The following DHRSX variants were observed in gnomAD, a reference collection of about 807,000 sequenced individuals.
The protein encoded by DHRSX is dehydrogenase/reductase X-linked.
DHRSX carries 31 observed loss-of-function variants against 34.0 expected under a neutral mutation model. That is an observed-to-expected ratio of 0.91 (90% confidence interval 0.69 to 1.23). DHRSX has a LOEUF of 1.23. Among genes scored for constraint, DHRSX ranks in the 50% most tolerant of loss-of-function variants. The probability of loss-of-function intolerance (pLI) is 0.00; values close to 1 mark genes in which losing one functional copy is unlikely to be tolerated. For synonymous variants in DHRSX, 201 were observed against 183.8 expected (o/e 1.09, Z -0.76); for missense variants, 414 against 428.1 (o/e 0.97, Z 0.29).
At chrX:2,253,888 G>A (rs1360687644) in intron 5 of DHRSX, among the ~76,000 whole-genome samples, 2 of 152,154 alleles carry the variant, frequency 1.3e-5, no homozygotes, top group East Asian at 1.9e-4. Context: ...GTGAAACCCC[G>A]TCTCTAATAA....
In DHRSX at chrX:2,489,886, C is replaced by G. The variant is rs145542250; in HGVS notation, c.109+10931G>C. ...GCACTGCGACGTCCAGCAGGGAGCACGCCTTCACGATGTCCTTGCCATAGT... is the reference window on the plus strand; with the variant it reads ...GCACTGCGACGTCCAGCAGGGAGCAGGCCTTCACGATGTCCTTGCCATAGT... On this transcript the variant is annotated intron_variant, in intron 1 of 6. Coordinates refer to ENST00000334651, the MANE Select transcript of DHRSX (RefSeq NM_145177.3). 5 of 1,613,834 alleles carry G rather than the reference C, an allele frequency of 3.1e-6. No individual in the cohort carries two copies. In the South Asian group the frequency reaches 4.4e-5, roughly 14 times the overall value.
chrX:2,451,861 T>C (rs2044223351), intron 1 of DHRSX, among the ~76,000 whole-genome samples: 1 of 152,128 alleles, frequency 6.6e-6, no homozygotes, highest in African/African-American at 2.4e-5. Context: ...GTGTACACAC[T>C]GAAGACGCTC....
chrX:2,413,887 A>T (rs1409150713), intron 2 of DHRSX, among the ~76,000 whole-genome samples: 1 of 151,896 alleles, frequency 6.6e-6, no homozygotes. Flanking sequence ...ACCCAACTAA[A>T]TCTCATTATA....
Position 2,250,571 on chromosome X carries a change from C to G in DHRSX, c.597-7341G>C, listed in dbSNP as rs150545660. On this transcript the variant is annotated intron_variant, in intron 5 of 6. Coordinates refer to ENST00000334651, the MANE Select transcript of DHRSX (RefSeq NM_145177.3). The stretch of plus-strand genomic sequence containing the variant: ...ATGTCATGGCATCTGTAAACCGTCT[C>G]TTATCAGCTAATGCATTAGAATTAG... Among the ~76,000 whole-genome samples the G allele has an allele frequency of 5.9e-3, 897 of 152,164 alleles. 25 individuals are homozygous for G. Among genetic ancestry groups the G allele is most frequent in the Admixed American group, 0.05 (757 of 15,244 alleles).
At chrX:2,363,664 G>A (rs12837155) in intron 3 of DHRSX, among the ~76,000 whole-genome samples, 42 of 147,290 alleles carry the variant, frequency 2.9e-4, no homozygotes, top group Non-Finnish European at 8.9e-5. Flanking sequence ...CCGTTCTATG[G>A]TATCATGCTG....
At chrX:2,476,182 G>C (rs893917738) in intron 1 of DHRSX, among the ~76,000 whole-genome samples, 60 of 152,130 alleles carry the variant, frequency 3.9e-4, no homozygotes, top group Non-Finnish European at 8.2e-4. Context: ...GAGGCCAGGA[G>C]TTTGAGACCG....
intron 1 of DHRSX, among the ~76,000 whole-genome samples, chrX:2,493,505 C>A (rs2045210394): frequency 6.6e-6 from 1 of 151,310 alleles, no homozygotes; most frequent in African/African-American, 2.4e-5. Context: ...GAAAGCGGTT[C>A]TGGAACCTGA....
intron 1 of DHRSX, among the ~76,000 whole-genome samples, chrX:2,452,672 C>G (rs1333407232): frequency 6.6e-6 from 1 of 152,020 alleles, no homozygotes; most frequent in Non-Finnish European, 1.5e-5. Context: ...AAGACATTCC[C>G]TAATAATGTG....
intron 1 of DHRSX, among the ~76,000 whole-genome samples, chrX:2,493,671 A>G (rs149938749): frequency 0.015 from 2,278 of 152,082 alleles, 55 homozygotes; most frequent in East Asian, 0.09. Flanking sequence ...TACCTGTAGC[A>G]AAGATTTTTA....
intron 4 of DHRSX, among the ~76,000 whole-genome samples, chrX:2,272,144 A>C (rs761488519): frequency 6.6e-6 from 1 of 152,292 alleles, no homozygotes; most frequent in East Asian, 1.9e-4. Flanking sequence ...ACAAAAAAAA[A>C]CCAACAACAA....
At chrX:2,287,382 A>G (rs776014444) in intron 4 of DHRSX, among the ~76,000 whole-genome samples, 1 of 151,808 alleles carries the variant, frequency 6.6e-6, no homozygotes, top group South Asian at 2.1e-4. Context: ...TGTGGAAGAC[A>G]GAATAATGAC....
At chrX:2,315,165 A>G (rs896564362) in intron 3 of DHRSX, among the ~76,000 whole-genome samples, 1 of 152,094 alleles carries the variant, frequency 6.6e-6, no homozygotes, top group East Asian at 1.9e-4. Context: ...TTTCAATAAA[A>G]AAAAAAAAAA....
chrX:2,419,513 G>A lies in DHRSX; in HGVS notation c.217+5684C>T, dbSNP rs187947580. Reference sequence around the variant, plus strand: ...AAATCATGCTGCTATAAAGACACACGCACACGTATGTTTATAGCAGCACTA... The same window carrying A: ...AAATCATGCTGCTATAAAGACACACACACACGTATGTTTATAGCAGCACTA... On this transcript the variant is annotated intron_variant, in intron 2 of 6. Transcript: ENST00000334651. 8.6e-3 allele frequency among the ~76,000 whole-genome samples: 1,305 copies of A among 152,074 alleles called. 20 individuals are homozygous for A. The highest frequency in any genetic ancestry group is 0.03 in the African/African-American group (1,227 of 41,472).
intron 1 of DHRSX, among the ~76,000 whole-genome samples, chrX:2,496,913 CAATA>C (rs2045300368): frequency 6.7e-6 from 1 of 148,648 alleles, no homozygotes. Context: ...AATATAAAAA[CAATA>C]AATATATTAC....
chrX:2,252,193 C>T (rs183835777), intron 5 of DHRSX, among the ~76,000 whole-genome samples: 312 of 152,114 alleles, frequency 2.1e-3, no homozygotes, highest in Middle Eastern at 0.01. Context: ...GCTGATACCA[C>T]GCCATTGCAC....
In DHRSX at chrX:2,490,552, G is replaced by A. The variant is rs140924458; in HGVS notation, c.109+10265C>T. ...AGGACAGGTTGGAGGTGTTTCCGGAGTAGGCGATCTGGGCCATGCAGATGC... is the reference window on the plus strand; with the variant it reads ...AGGACAGGTTGGAGGTGTTTCCGGAATAGGCGATCTGGGCCATGCAGATGC... On this transcript the variant is annotated intron_variant, in intron 1 of 6. Transcript: ENST00000334651. 8,961 of 1,613,990 alleles carry A rather than the reference G, an allele frequency of 5.6e-3. 35 individuals are homozygous for A. The highest frequency in any genetic ancestry group is 6.1e-3 in the Non-Finnish European group (7,235 of 1,179,860).
intron 3 of DHRSX, among the ~76,000 whole-genome samples, chrX:2,326,052 T>C (rs1367271368): frequency 6.6e-6 from 1 of 152,174 alleles, no homozygotes; most frequent in Admixed American, 6.6e-5. Flanking sequence ...TCAGCAACTC[T>C]GCGATCCATC....
intron 1 of DHRSX, chrX:2,490,761 C>G: frequency 6.3e-7 from 1 of 1,586,092 alleles, no homozygotes; most frequent in Non-Finnish European, 8.6e-7. Flanking sequence ...GCTGCTCATG[C>G]GTGGGGACCT....
chrX:2,494,765 A>G (rs939005335), intron 1 of DHRSX, among the ~76,000 whole-genome samples: 1 of 151,844 alleles, frequency 6.6e-6, no homozygotes, highest in African/African-American at 2.4e-5. Context: ...TTTATATTCC[A>G]CTATTATTAT....
Sources: gnomAD v4.1 joint callset for allele counts (sites outside exome capture counted in the v4.1 genomes callset) on GRCh38, gnomAD v4.1.1 for gene constraint, MANE v1.5 for transcripts, NCBI Gene and HGNC (gene_info 2026-07-23, HGNC 2026-07-21) for gene names.